Variants in PCDHA3 observed in about 807,000 individuals in gnomAD.
PCDHA3 encodes the protein protocadherin alpha 3, also known as protocadherin alpha-3.
A neutral mutation model predicts 62.2 loss-of-function variants in PCDHA3; 41 were observed. The observed-to-expected ratio is 0.66, with a 90% CI of 0.51 to 0.86. PCDHA3 has a LOEUF of 0.86. Among genes scored for constraint, PCDHA3 ranks in the 40% least tolerant of loss-of-function variants. The pLI, the probability that PCDHA3 is intolerant of heterozygous loss-of-function variation, is 0.00. For missense variants in PCDHA3, 1,304 were observed against 1,241.2 expected (o/e 1.05, Z -0.76); for synonymous variants, 640 against 555.4 (o/e 1.15, Z -2.14).
intron 1 of PCDHA3, among the ~76,000 whole-genome samples, chr5:140,879,982 T>A (rs1554171120): frequency 1.3e-5 from 2 of 152,226 alleles, no homozygotes; most frequent in Non-Finnish European, 2.9e-5. Context: ...CCTTTCAAGA[T>A]CCTTAACTTA....
chr5:140,807,593 A>G, intron 1 of PCDHA3: 5 of 1,614,166 alleles, frequency 3.1e-6, no homozygotes, highest in Admixed American at 1.7e-5. Context: ...GTTCCCAGCA[A>G]CACAAAAGAA....
chr5:140,851,773 T>C lies in PCDHA3; in HGVS notation c.2394+48182T>C. On this transcript the variant is annotated intron_variant, in intron 1 of 3. Transcript: ENST00000522353. ...TAACTTAAAACATTACCCTTATGAA[T>C]TTAGATGAGAATTCACTTGTTCTGT... 11 of 967,796 alleles carry C rather than the reference T, an allele frequency of 1.1e-5. 2 individuals carry two copies. The highest frequency in any genetic ancestry group is 1.4e-5 in the Non-Finnish European group (11 of 800,744). The allele number at this position is 967,796 out of a possible 1,614,324, so 60.0% of individuals were successfully genotyped here.
chr5:140,920,841 T>TAA (rs781921146), intron 1 of PCDHA3, among the ~76,000 whole-genome samples: 36 of 109,202 alleles, frequency 3.3e-4, no homozygotes, highest in African/African-American at 8.5e-4. Flanking sequence ...AGACCAAATC[T>TAA]AAAAAAAAAA....
intron 1 of PCDHA3, chr5:140,843,324 C>T: frequency 6.3e-7 from 1 of 1,596,010 alleles, no homozygotes; most frequent in Non-Finnish European, 8.6e-7. Flanking sequence ...GTTCTGGTGT[C>T]GCTGGTGGAG....
chr5:140,832,249 G>A (rs1268506433), intron 1 of PCDHA3, among the ~76,000 whole-genome samples: 1 of 152,168 alleles, frequency 6.6e-6, no homozygotes, highest in Non-Finnish European at 1.5e-5. Context: ...TGTTGTCCAT[G>A]TTCCCAGGAA....
At chr5:140,849,557 G>T (rs2150440607) in intron 1 of PCDHA3, 4 of 1,598,482 alleles carry the variant, frequency 2.5e-6, no homozygotes, top group Non-Finnish European at 3.4e-6. Context: ...CTATCAAAAC[G>T]CTCTCGGTTC....
chr5:140,898,263 C>T lies in PCDHA3; in HGVS notation c.2395-80686C>T, dbSNP rs1420763503. The stretch of plus-strand genomic sequence containing the variant: ...GGTGTTTTAGACATGAAGTCCTTGC[C>T]CATGCCTAAGTTCTGAATGGTAATG... On this transcript the variant is annotated intron_variant, in intron 1 of 3. Transcript: ENST00000522353. 2.0e-5 allele frequency among the ~76,000 whole-genome samples: 3 copies of T among 152,270 alleles called. No individual in the cohort carries two copies. In the East Asian group the frequency reaches 5.8e-4, roughly 29 times the overall value.
In PCDHA3 at chr5:140,995,948, C is replaced by T. The variant is rs143431693; in HGVS notation, c.2542+13385C>T. Among the ~76,000 whole-genome samples the T allele has an allele frequency of 4.7e-3, 711 of 152,264 alleles. 7 individuals carry two copies. The highest frequency in any genetic ancestry group is 0.016 in the African/African-American group (645 of 41,554). ...TGTAAGTATTAAATGACATAATGCA[C>T]GCAAAATGCTTAGAACCATGCTTAG... On this transcript the variant is annotated intron_variant, in intron 3 of 3. Transcript: ENST00000522353.
rs114961630 is a variant in PCDHA3 at position 140,926,715 on chromosome 5, G to A, written c.2395-52234G>A. 1,110 of 952,350 alleles carry A rather than the reference G, an allele frequency of 1.2e-3. 9 individuals carry two copies. The African/African-American group carries it at 0.017, about 15-fold the overall frequency. The allele number at this position is 952,350 out of a possible 1,614,324, so 59.0% of individuals were successfully genotyped here. A position where few individuals can be genotyped will look rare whatever the true frequency, so the allele number is the denominator to read the frequency against. On this transcript the variant is annotated intron_variant, in intron 1 of 3. Transcript: ENST00000522353. ...GCCCGGCTCCCAGCTGGCCAGCCCC[G>A]GCAATGCCGGCGTTCGGGAGGCGCA... is the stretch of plus-strand genomic sequence containing the variant.
chr5:140,807,676 G>A (rs1554124190), intron 1 of PCDHA3: 3 of 1,614,196 alleles, frequency 1.9e-6, no homozygotes, highest in East Asian at 4.5e-5. Flanking sequence ...CAGATATCGG[G>A]GAGAACGCCC....
chr5:140,899,162 C>T (rs1237064232), intron 1 of PCDHA3, among the ~76,000 whole-genome samples: 31 of 152,224 alleles, frequency 2.0e-4, no homozygotes, highest in African/African-American at 7.2e-4. Flanking sequence ...TTCCTCTTTT[C>T]CTAATTGAAT....
At chr5:140,981,859 C>A (rs2096954450) in intron 2 of PCDHA3, among the ~76,000 whole-genome samples, 1 of 152,118 alleles carries the variant, frequency 6.6e-6, no homozygotes, top group African/African-American at 2.4e-5. Flanking sequence ...TCACTCCCAG[C>A]AATGTTTTAT....
At chr5:140,876,493 C>G in intron 1 of PCDHA3, 1 of 1,614,008 alleles carries the variant, frequency 6.2e-7, no homozygotes, top group South Asian at 1.1e-5. Flanking sequence ...GGTGGAAGTT[C>G]TGGACGTGAA....
intron 1 of PCDHA3, chr5:140,842,103 T>C: frequency 6.2e-7 from 1 of 1,613,846 alleles, no homozygotes; most frequent in Non-Finnish European, 8.5e-7. Flanking sequence ...GGAACAACAG[T>C]TATCAAACTG....
chr5:140,895,867 A>C (rs1212053221), intron 1 of PCDHA3, among the ~76,000 whole-genome samples: 1 of 152,154 alleles, frequency 6.6e-6, no homozygotes, highest in Non-Finnish European at 1.5e-5. Context: ...GCTGGAGTGC[A>C]ATGGCGCGAT....
intron 1 of PCDHA3, chr5:140,877,485 G>A (rs1554169791): frequency 6.2e-7 from 1 of 1,613,882 alleles, no homozygotes; most frequent in Admixed American, 1.7e-5. Flanking sequence ...CGCTGGTGGA[G>A]AACGGCCAGG....
chr5:140,985,007 G>A (rs1349447884), intron 3 of PCDHA3, among the ~76,000 whole-genome samples: 2 of 151,706 alleles, frequency 1.3e-5, no homozygotes, highest in African/African-American at 4.8e-5. Flanking sequence ...GCACGATATC[G>A]GCTCACAGCA....
chr5:141,000,371 CT>C (rs2153963893), intron 3 of PCDHA3, among the ~76,000 whole-genome samples: 1 of 49,262 alleles, frequency 2.0e-5, no homozygotes, highest in East Asian at 6.6e-4. Context: ...GTCTCTCTCT[CT>C]CTCTCTCTCT....
At chr5:140,958,294 A>G (rs1324756311) in intron 1 of PCDHA3, among the ~76,000 whole-genome samples, 1 of 152,142 alleles carries the variant, frequency 6.6e-6, no homozygotes, top group African/African-American at 2.4e-5. Context: ...ATATTATTGA[A>G]CTTAATTAAA....
Sources: gnomAD v4.1 joint callset for allele counts (sites outside exome capture counted in the v4.1 genomes callset) on GRCh38, gnomAD v4.1.1 for gene constraint, MANE v1.5 for transcripts, NCBI Gene and HGNC (gene_info 2026-07-23, HGNC 2026-07-21) for gene names.